Variants in DOK6 observed in about 807,000 individuals in gnomAD.
The protein encoded by DOK6 is docking protein 6, also known as downstream of tyrosine kinase 6.
Under a neutral mutation model 44.0 loss-of-function variants are expected in DOK6, and 22 were observed. The ratio of observed to expected loss-of-function variants is 0.50; its 90% CI spans 0.36 to 0.71. The LOEUF (loss-of-function observed/expected upper bound fraction) is 0.71, where lower values mean the gene tolerates loss of function less well. Among genes scored for constraint, DOK6 ranks in the 30% least tolerant of loss-of-function variants. The pLI is 0.00. For synonymous variants in DOK6, 166 were observed against 145.5 expected, an observed-to-expected ratio of 1.14 and a Z score of -1.01; for missense variants, 340 against 416.4, an observed-to-expected ratio of 0.82 and a Z score of 1.60.
At chr18:69,573,302 C>G (rs1983162060) in intron 2 of DOK6, among the ~76,000 whole-genome samples, 1 of 151,808 alleles carries the variant, frequency 6.6e-6, no homozygotes, top group South Asian at 2.1e-4. Flanking sequence ...CCAATGAGAA[C>G]AGGAACAGTT....
At chr18:69,834,994 C>G (rs1568140394) in intron 7 of DOK6, among the ~76,000 whole-genome samples, 1 of 152,140 alleles carries the variant, frequency 6.6e-6, no homozygotes, top group Admixed American at 6.5e-5. Flanking sequence ...AGGACCTTGC[C>G]AAACACTTAT....
intron 1 of DOK6, among the ~76,000 whole-genome samples, chr18:69,419,259 A>T (rs1340263353): frequency 6.6e-6 from 1 of 152,200 alleles, no homozygotes; most frequent in Non-Finnish European, 1.5e-5. Flanking sequence ...ACTGAGCTGC[A>T]TTCCCATCCA....
intron 7 of DOK6, among the ~76,000 whole-genome samples, chr18:69,790,970 A>G (rs938371856): frequency 1.6e-5 from 2 of 123,070 alleles, no homozygotes; most frequent in African/African-American, 3.3e-5. Context: ...TCTACTCTCT[A>G]TCTCCATGAG....
intron 7 of DOK6, among the ~76,000 whole-genome samples, chr18:69,791,781 T>G (rs947817473): frequency 6.6e-6 from 1 of 152,186 alleles, no homozygotes; most frequent in Non-Finnish European, 1.5e-5. Context: ...CCATTTTTGC[T>G]TGGGTTGTCT....
intron 5 of DOK6, among the ~76,000 whole-genome samples, chr18:69,733,663 CT>C (rs1372501994): frequency 6.6e-6 from 1 of 152,158 alleles, no homozygotes; most frequent in East Asian, 1.9e-4. Flanking sequence ...TCCCACACAT[CT>C]TTTTTACACA....
At chr18:69,559,748 T>A (rs998777351) in intron 1 of DOK6, among the ~76,000 whole-genome samples, 2 of 152,120 alleles carry the variant, frequency 1.3e-5, no homozygotes, top group African/African-American at 4.8e-5. Flanking sequence ...GTTTGCAAGT[T>A]TGAGATGAGG....
intron 1 of DOK6, among the ~76,000 whole-genome samples, chr18:69,539,266 A>G (rs942539487): frequency 6.6e-6 from 1 of 152,218 alleles, no homozygotes; most frequent in Non-Finnish European, 1.5e-5. Context: ...AGTATTTATT[A>G]CCAGATAGGC....
intron 1 of DOK6, among the ~76,000 whole-genome samples, chr18:69,509,751 T>C (rs1365775525): frequency 6.6e-6 from 1 of 152,090 alleles, no homozygotes; most frequent in Non-Finnish European, 1.5e-5. Flanking sequence ...ATTGTTCACT[T>C]AATATTTAAG....
rs143466583 is a variant in DOK6, at chr18:69,652,259, A to G, written c.290-25475A>G. ...TTTTTTATACAATACACTAAAAATA[A>G]TATAAAAAGTACCTATTTATTGAAA... On this transcript the variant is annotated intron_variant, in intron 3 of 7. Transcript: ENST00000382713. Among the ~76,000 whole-genome samples, 549 of 152,362 alleles carry G rather than the reference A, an allele frequency of 3.6e-3. 5 individuals carry two copies. The highest frequency in any genetic ancestry group is 0.012 in the African/African-American group (506 of 41,584).
At chr18:69,686,744 T>C (rs11872097) in intron 4 of DOK6, among the ~76,000 whole-genome samples, 12,948 of 149,786 alleles carry the variant, frequency 0.086, 741 homozygotes, top group African/African-American at 0.17. Flanking sequence ...CAAGATAATA[T>C]AAGACACTAG....
chr18:69,609,773 T>A (rs1321931586), intron 3 of DOK6, among the ~76,000 whole-genome samples: 6 of 152,178 alleles, frequency 3.9e-5, no homozygotes, highest in Non-Finnish European at 7.4e-5. Context: ...GGAAACAACC[T>A]GAATGTTGAT....
chr18:69,651,582 G>A (rs1282889780), intron 3 of DOK6, among the ~76,000 whole-genome samples: 2 of 149,688 alleles, frequency 1.3e-5, no homozygotes, highest in South Asian at 2.2e-4. Context: ...TCTGCCTCCC[G>A]GGTTCAAGCG....
chr18:69,587,211 T>A (rs923849847), intron 2 of DOK6, among the ~76,000 whole-genome samples: 1 of 152,132 alleles, frequency 6.6e-6, no homozygotes, highest in Non-Finnish European at 1.5e-5. Flanking sequence ...CTCTTACAGT[T>A]CTGGATGCCA....
intron 2 of DOK6, among the ~76,000 whole-genome samples, chr18:69,597,159 G>A (rs1351682238): frequency 1.3e-5 from 2 of 151,876 alleles, no homozygotes; most frequent in East Asian, 3.9e-4. Context: ...ATCACAGTAA[G>A]GGAAAAAGCT....
At position 69,738,969 on chromosome 18, in the gene DOK6, T is replaced by G; in HGVS notation, c.604T>G (p.Cys202Gly). The G allele has an allele frequency of 6.2e-7, 1 of 1,613,884 alleles. No homozygotes were observed. The highest frequency in any genetic ancestry group is 8.5e-7 in the Non-Finnish European group (1 of 1,179,848). ...TWFTFESGRM[C>G]DTGEGLFTFQ... ...TCCCTATCTCTATTCTCACAGAATG[T>G]GTGACACAGGAGAAGGACTATTCAC... is the stretch of plus-strand genomic sequence containing the variant. The change falls in exon 6 of 8, where the codon TGT becomes GGT. Residue 202 changes from cysteine (C) to glycine (G), a missense_variant. Physicochemically the swap from Cys to Gly is radical, Grantham distance 159 (BLOSUM62 -3). Coordinates refer to ENST00000382713, the MANE Select transcript of DOK6 (RefSeq NM_152721.6).
At chr18:69,444,000 ACATT>A (rs1362440758) in intron 1 of DOK6, among the ~76,000 whole-genome samples, 2 of 152,138 alleles carry the variant, frequency 1.3e-5, no homozygotes, top group Non-Finnish European at 2.9e-5. Context: ...ACATATACAT[ACATT>A]AATACATATA....
chr18:69,579,813 A>C (rs1599203236), intron 2 of DOK6, among the ~76,000 whole-genome samples: 2 of 151,926 alleles, frequency 1.3e-5, no homozygotes, highest in Admixed American at 1.3e-4. Context: ...CGATCTCCTA[A>C]CCTCATGGAG....
intron 7 of DOK6, among the ~76,000 whole-genome samples, chr18:69,799,442 G>A (rs912641510): frequency 1.3e-5 from 2 of 151,720 alleles, no homozygotes; most frequent in African/African-American, 4.8e-5. Flanking sequence ...CTATCATTCT[G>A]AAATCACTAA....
At chr18:69,432,549 A>G (rs1016565071) in intron 1 of DOK6, among the ~76,000 whole-genome samples, 7 of 152,248 alleles carry the variant, frequency 4.6e-5, no homozygotes, top group African/African-American at 1.7e-4. Context: ...CTGATTGCTA[A>G]CAACATAATG....
Sources: gnomAD v4.1 joint callset for allele counts (sites outside exome capture counted in the v4.1 genomes callset) on GRCh38, gnomAD v4.1.1 for gene constraint, MANE v1.5 for transcripts, NCBI Gene and HGNC (gene_info 2026-07-23, HGNC 2026-07-21) for gene names.